DSCAM: variants seen among roughly 807,000 people sequenced by gnomAD.
DSCAM encodes cell adhesion molecule DSCAM.
A neutral mutation model predicts 217.7 loss-of-function variants in DSCAM; 47 were observed. That is an observed-to-expected ratio of 0.22 (90% CI 0.17 to 0.28). The LOEUF is 0.28. DSCAM is among the 10% of genes least tolerant of loss of function. The pLI, the probability that DSCAM is intolerant of heterozygous loss-of-function variation, is 1.00. For synonymous variants in DSCAM, 1,056 were observed against 1,015.3 expected (o/e 1.04, Z -0.76); for missense variants, 2,080 against 2,618.3 (o/e 0.79, Z 4.49).
At chr21:40,473,020 C>T (rs941734737) in intron 3 of DSCAM, among the ~76,000 whole-genome samples, 1 of 152,106 alleles carries the variant, frequency 6.6e-6, no homozygotes, top group Non-Finnish European at 1.5e-5. Context: ...GCGGACGGTC[C>T]ATACGGGGCA....
chr21:40,020,481 C>G (rs994926930), intron 32 of DSCAM, among the ~76,000 whole-genome samples: 18 of 151,798 alleles, frequency 1.2e-4, no homozygotes, highest in African/African-American at 4.4e-4. Flanking sequence ...TGCAATAAGA[C>G]AGCAAGCAGG....
intron 3 of DSCAM, chr21:40,384,667 AGACAGC>A (rs2075064554): frequency 6.5e-6 from 1 of 152,968 alleles, no homozygotes; most frequent in Non-Finnish European, 1.5e-5. Context: ...AAAGCCAACC[AGACAGC>A]GTGAGGCCAG....
intron 3 of DSCAM, among the ~76,000 whole-genome samples, chr21:40,488,505 G>A (rs1378761876): frequency 6.6e-6 from 1 of 152,136 alleles, no homozygotes; most frequent in Non-Finnish European, 1.5e-5. Context: ...CAGGGGGAGA[G>A]GTAAGCTTTT....
At chr21:40,112,650 C>T (rs982159865) in intron 20 of DSCAM, among the ~76,000 whole-genome samples, 52 of 151,940 alleles carry the variant, frequency 3.4e-4, no homozygotes, top group Non-Finnish European at 6.5e-4. Context: ...AAAAGATCAA[C>T]AAAATTGATA....
chr21:40,069,431 G>A lies in DSCAM; in HGVS notation c.4888+5606C>T, dbSNP rs146752273. ...AAGGCAGAGCATGACACAGCATGGC[G>A]TGGGAGAGTGCCCACCATGGCCCCA... is the stretch of plus-strand genomic sequence containing the variant. On this transcript the variant is annotated intron_variant, in intron 27 of 32. Coordinates refer to ENST00000400454, the MANE Select transcript of DSCAM (RefSeq NM_001389.5). Among the ~76,000 whole-genome samples, 491 of 152,294 alleles carry A rather than the reference G, an allele frequency of 3.2e-3. 2 individuals are homozygous for A. The highest frequency in any genetic ancestry group is 0.024 in the Middle Eastern group (7 of 294).
chr21:40,689,047 T>C (rs995292433), intron 3 of DSCAM, among the ~76,000 whole-genome samples: 2 of 152,158 alleles, frequency 1.3e-5, no homozygotes, highest in African/African-American at 2.4e-5. Context: ...CATGACAATA[T>C]GCACAACACT....
intron 11 of DSCAM, among the ~76,000 whole-genome samples, chr21:40,248,191 A>T (rs1349623047): frequency 6.6e-6 from 1 of 151,994 alleles, no homozygotes; most frequent in Non-Finnish European, 1.5e-5. Context: ...TGCTATGAAG[A>T]CCTCTGACAT....
At chr21:40,545,593 T>C (rs568201262) in intron 3 of DSCAM, among the ~76,000 whole-genome samples, 1 of 152,150 alleles carries the variant, frequency 6.6e-6, no homozygotes, top group South Asian at 2.1e-4. Context: ...CCACTGACTT[T>C]CTGGGAACCT....
chr21:40,220,882 C>A (rs1425004984), intron 11 of DSCAM, among the ~76,000 whole-genome samples: 1 of 152,172 alleles, frequency 6.6e-6, no homozygotes, highest in Non-Finnish European at 1.5e-5. Flanking sequence ...GCTCACTGGG[C>A]CACGAGGCTG....
rs527566029 is a variant in DSCAM at position 40,765,629 on chromosome 21, C to T, written c.44-56858G>A. Among the ~76,000 whole-genome samples, 13 of 152,110 alleles carry T rather than the reference C, an allele frequency of 8.5e-5. No individual in the cohort carries two copies. The East Asian group carries it at 9.7e-4, about 11-fold the overall frequency. ...AGTCATTGCAGGTAGGCTATGACCC[C>T]GGGAAGAACATCCTTCACACCTGGT... is the stretch of plus-strand genomic sequence containing the variant. On this transcript the variant is annotated intron_variant, in intron 1 of 32. Coordinates refer to ENST00000400454, the MANE Select transcript of DSCAM (RefSeq NM_001389.5).
chr21:40,395,838 C>G (rs1323462778), intron 3 of DSCAM, among the ~76,000 whole-genome samples: 1 of 152,182 alleles, frequency 6.6e-6, no homozygotes, highest in East Asian at 1.9e-4. Flanking sequence ...TTGGCATTCA[C>G]ACAGTGACAG....
intron 32 of DSCAM, among the ~76,000 whole-genome samples, chr21:40,041,673 C>T (rs1053787841): frequency 9.9e-5 from 15 of 152,114 alleles, no homozygotes; most frequent in African/African-American, 1.2e-4. Context: ...ACAACCCGGA[C>T]GATTCACAGG....
intron 10 of DSCAM, among the ~76,000 whole-genome samples, chr21:40,278,272 G>T (rs748410612): frequency 1.6e-4 from 25 of 152,168 alleles, no homozygotes; most frequent in Non-Finnish European, 3.1e-4. Context: ...GAATAAAAAT[G>T]CTTAACATTT....
At chr21:40,101,987 A>C (rs2146611783) in intron 20 of DSCAM, among the ~76,000 whole-genome samples, 1 of 152,268 alleles carries the variant, frequency 6.6e-6, no homozygotes, top group East Asian at 1.9e-4. Context: ...GTAAATAATT[A>C]CTGAGTTTCA....
intron 3 of DSCAM, among the ~76,000 whole-genome samples, chr21:40,474,189 A>G (rs2075913680): frequency 6.6e-6 from 1 of 152,128 alleles, no homozygotes; most frequent in South Asian, 2.1e-4. Context: ...GCTACTTGGG[A>G]GGCTGAGGCA....
intron 1 of DSCAM, among the ~76,000 whole-genome samples, chr21:40,750,257 C>T (rs755140845): frequency 2.0e-4 from 30 of 152,116 alleles, no homozygotes; most frequent in Non-Finnish European, 3.4e-4. Flanking sequence ...CCTCAGCCTC[C>T]TAGTCTCTCA....
intron 28 of DSCAM, 125 bp downstream of exon 28, chr21:40,062,744 T>C (rs2837408): frequency 0.6 from 528,275 of 884,204 alleles, 158,676 homozygotes; most frequent in African/African-American, 0.65. Flanking sequence ...AAATTACAGT[T>C]TTTTCTAAAA....
chr21:40,669,113 T>C (rs1202573655), intron 3 of DSCAM, among the ~76,000 whole-genome samples: 1 of 152,178 alleles, frequency 6.6e-6, no homozygotes, highest in Non-Finnish European at 1.5e-5. Flanking sequence ...ATTTCTTGCA[T>C]CACTTAGTGT....
intron 1 of DSCAM, among the ~76,000 whole-genome samples, chr21:40,752,875 C>T (rs1030829116): frequency 2.0e-5 from 3 of 152,042 alleles, no homozygotes; most frequent in African/African-American, 7.3e-5. Flanking sequence ...CTAGTATATC[C>T]CCAGAAACGT....
Sources: gnomAD v4.1 joint callset for allele counts (sites outside exome capture counted in the v4.1 genomes callset) on GRCh38, gnomAD v4.1.1 for gene constraint, MANE v1.5 for transcripts, NCBI Gene and HGNC (gene_info 2026-07-23, HGNC 2026-07-21) for gene names.